Variants in POLR1C observed in about 807,000 individuals in gnomAD.
POLR1C encodes the protein RNA polymerase I and III subunit C, also known as DNA-directed RNA polymerases I and III subunit RPAC1.
A neutral mutation model predicts 38.3 loss-of-function variants in POLR1C; 42 were observed. The ratio of observed to expected loss-of-function variants is 1.10; its 90% CI spans 0.86 to 1.42. The LOEUF is 1.42. Ranked by LOEUF, POLR1C falls within the 40% of genes most tolerant of loss-of-function variation. POLR1C has a pLI of 0.00. For synonymous variants in POLR1C, 163 were observed against 163.9 expected (o/e 0.99, Z 0.04); for missense variants, 507 against 450.5 (o/e 1.13, Z -1.14).
At chr6:43,539,089 G>C in intron 9 of POLR1C, 1 of 1,336,426 alleles carries the variant, frequency 7.5e-7, no homozygotes, top group Non-Finnish European at 1.1e-6. Flanking sequence ...CAGGTGCGGA[G>C]ACAATGCCAG....
chr6:43,532,084 T>G (rs116063747), downstream of POLR1C, among the ~76,000 whole-genome samples: 386 of 152,330 alleles, frequency 2.5e-3, 3 homozygotes, highest in African/African-American at 8.7e-3. Context: ...TTCTAGTATT[T>G]CTGGTTGGCC....
chr6:43,561,975 C>T (rs538913038), exon 11 of POLR1C: 1 of 280,486 alleles, frequency 3.6e-6, no homozygotes, highest in Admixed American at 5.0e-5. Flanking sequence ...TCTGTAAGTA[C>T]CAAAATTCAC....
chr6:43,519,070 C>G, intron 2 of POLR1C: 1 of 513,510 alleles, frequency 1.9e-6, no homozygotes, highest in South Asian at 2.1e-5. Context: ...ATGGTAGTTT[C>G]TGTTCTTCAG....
downstream of POLR1C, chr6:43,524,954 T>G: frequency 6.2e-7 from 1 of 1,613,534 alleles, no homozygotes; most frequent in Non-Finnish European, 8.5e-7. Flanking sequence ...CTGCGAGCAG[T>G]GTCCCTGACA....
At chr6:43,560,162 G>T in intron 10 of POLR1C, 2 of 1,610,724 alleles carry the variant, frequency 1.2e-6, no homozygotes, top group South Asian at 1.1e-5. Context: ...CACATGTTTA[G>T]ATTCCCATTA....
Position 43,550,003 on chromosome 6 carries a change from C to T in POLR1C, c.*5-965C>T, listed in dbSNP as rs987072194. The T allele has an allele frequency of 2.4e-5, 37 of 1,522,720 alleles. No homozygotes were observed. The Admixed American group carries it at 5.4e-4, about 22-fold the overall frequency. The allele number at this position is 1,522,720 out of a possible 1,614,324, so 94.3% of individuals were successfully genotyped here. A position where few individuals can be genotyped will look rare whatever the true frequency, so the allele number is the denominator to read the frequency against. ...TAGAGATGAGATCTTGCTATGTTGC[C>T]CAGACTAGACTTGAATTCCTGGGCT... is the stretch of plus-strand genomic sequence containing the variant. On this transcript the variant is annotated intron_variant, in intron 9 of 10. Transcript: ENST00000607635.
chr6:43,522,687 GT>G (rs1412574074), downstream of POLR1C: 1 of 492,402 alleles, frequency 2.0e-6, no homozygotes, highest in Admixed American at 2.0e-5. Flanking sequence ...TGTAGCTTCA[GT>G]CCACTTCGGC....
At chr6:43,538,700 A>G (rs915406299) in intron 9 of POLR1C, 1 of 444,720 alleles carries the variant, frequency 2.2e-6, no homozygotes, top group Non-Finnish European at 3.9e-6. Context: ...CCTCTTTGGT[A>G]CTGTTAATGT....
chr6:43,554,480 A>G (rs935818074), intron 10 of POLR1C, among the ~76,000 whole-genome samples: 3 of 149,208 alleles, frequency 2.0e-5, no homozygotes, highest in African/African-American at 7.5e-5. Context: ...GCTGGAGTGC[A>G]GTGGCACGAT....
At chr6:43,548,617 G>C in intron 9 of POLR1C, 1 of 605,230 alleles carries the variant, frequency 1.7e-6, no homozygotes, top group Non-Finnish European at 2.5e-6. Flanking sequence ...TCTTTATTTT[G>C]CCTAAATAAG....
chr6:43,534,789 G>A (rs550953590), intron 9 of POLR1C, among the ~76,000 whole-genome samples: 4 of 152,186 alleles, frequency 2.6e-5, no homozygotes, highest in Non-Finnish European at 5.9e-5. Context: ...CCTGAGGTCA[G>A]GAGTTCAAGA....
intron 10 of POLR1C, chr6:43,551,450 T>C: frequency 6.2e-7 from 1 of 1,611,790 alleles, no homozygotes; most frequent in Non-Finnish European, 8.5e-7. Context: ...TTAACAGGAA[T>C]TTCCTGTAAC....
intron 10 of POLR1C, chr6:43,560,416 T>G (rs1762358033): frequency 7.6e-7 from 1 of 1,319,804 alleles, no homozygotes; most frequent in East Asian, 2.6e-5. Flanking sequence ...GTACAATACT[T>G]TGAAGCTGTC....
downstream of POLR1C, chr6:43,533,809 T>A: frequency 1.2e-6 from 1 of 852,682 alleles, no homozygotes; most frequent in Non-Finnish European, 1.8e-6. Flanking sequence ...CACTCTAGCC[T>A]GGGTGACAGA....
downstream of POLR1C, among the ~76,000 whole-genome samples, chr6:43,531,993 T>A (rs537788984): frequency 2.0e-5 from 3 of 152,298 alleles, no homozygotes; most frequent in Admixed American, 1.3e-4. Context: ...TGCCTTAAAA[T>A]ATCTATATTT....
intron 9 of POLR1C, chr6:43,548,377 G>A: frequency 6.2e-7 from 1 of 1,613,606 alleles, no homozygotes. Context: ...GGGCTTCCAT[G>A]AGGGCACACT....
intron 9 of POLR1C, chr6:43,547,611 T>C (rs747462129): frequency 1.9e-6 from 3 of 1,613,996 alleles, no homozygotes; most frequent in East Asian, 4.5e-5. Context: ...GTCTTACTCG[T>C]GCACGGTTTA....
chr6:43,555,535 G>A, intron 10 of POLR1C: 1 of 211,120 alleles, frequency 4.7e-6, no homozygotes, highest in Non-Finnish European at 9.6e-6. Flanking sequence ...TGTTAAGCTG[G>A]TGCCTGAAGT....
chr6:43,524,825 A>G, downstream of POLR1C: 1 of 1,607,234 alleles, frequency 6.2e-7, no homozygotes, highest in East Asian at 2.2e-5. Context: ...TGCCTTCCCC[A>G]CTCACCAGTG....
Sources: gnomAD v4.1 joint callset for allele counts (sites outside exome capture counted in the v4.1 genomes callset) on GRCh38, gnomAD v4.1.1 for gene constraint, MANE v1.5 for transcripts, NCBI Gene and HGNC (gene_info 2026-07-23, HGNC 2026-07-21) for gene names.